The following WWOX variants were observed in gnomAD, a reference collection of about 807,000 sequenced individuals.
The protein encoded by WWOX is WW domain-containing oxidoreductase.
A neutral mutation model predicts 46.2 loss-of-function variants in WWOX; 69 were observed. The observed-to-expected ratio is 1.49, with a 90% CI of 1.23 to 1.82. The LOEUF (loss-of-function observed/expected upper bound fraction) is 1.82. Ranked by LOEUF, WWOX falls within the 40% of genes most tolerant of loss-of-function variation. The pLI, the probability that WWOX is intolerant of heterozygous loss-of-function variation, is 0.00. For missense variants in WWOX, 919 were observed against 542.6 expected (o/e 1.69, Z -6.89); for synonymous variants, 359 against 202.6 (o/e 1.77, Z -6.56).
intron 8 of WWOX, among the ~76,000 whole-genome samples, chr16:78,818,024 A>G (rs1389822207): frequency 1.3e-5 from 2 of 152,180 alleles, no homozygotes; most frequent in Non-Finnish European, 2.9e-5. Flanking sequence ...GCTGACTGAG[A>G]TGGAGTCCAG....
At chr16:78,428,658 C>T (rs2083144267) in intron 7 of WWOX, among the ~76,000 whole-genome samples, 1 of 152,206 alleles carries the variant, frequency 6.6e-6, no homozygotes, top group Non-Finnish European at 1.5e-5. Flanking sequence ...GTTCCCTAGT[C>T]ATGACATACT....
At chr16:79,077,146 T>C (rs58510262) in intron 8 of WWOX, among the ~76,000 whole-genome samples, 17,267 of 152,196 alleles carry the variant, frequency 0.11, 1,956 homozygotes, top group African/African-American at 0.3. Context: ...CCGTGCTTTG[T>C]AGAATTAATC....
chr16:79,093,627 A>G (rs1428475749), intron 8 of WWOX, among the ~76,000 whole-genome samples: 1 of 152,142 alleles, frequency 6.6e-6, no homozygotes, highest in Non-Finnish European at 1.5e-5. Flanking sequence ...GCCCATTGGC[A>G]CCCACAACAA....
At chr16:78,933,988 T>A (rs926433171) in intron 8 of WWOX, among the ~76,000 whole-genome samples, 1 of 151,740 alleles carries the variant, frequency 6.6e-6, no homozygotes, top group Non-Finnish European at 1.5e-5. Flanking sequence ...GGCCAGGAGT[T>A]TGGGGCTAGC....
intron 5 of WWOX, among the ~76,000 whole-genome samples, chr16:78,332,029 G>C (rs1030896333): frequency 1.1e-4 from 16 of 152,148 alleles, no homozygotes; most frequent in African/African-American, 3.9e-4. Flanking sequence ...ACGCCATTTA[G>C]CTGCTCTCAG....
At chr16:78,483,678 TACTC>T (rs778414758) in intron 8 of WWOX, among the ~76,000 whole-genome samples, 4 of 152,188 alleles carry the variant, frequency 2.6e-5, no homozygotes, top group East Asian at 1.9e-4. Context: ...TGCTGTTACT[TACTC>T]AATAATGTGT....
At chr16:78,119,834 C>A (rs774401620) in intron 4 of WWOX, among the ~76,000 whole-genome samples, 5 of 152,128 alleles carry the variant, frequency 3.3e-5, no homozygotes, top group Non-Finnish European at 5.9e-5. Flanking sequence ...GATAAAACTT[C>A]TTAACTTTCA....
At chr16:78,569,893 C>T (rs2044670519) in intron 8 of WWOX, among the ~76,000 whole-genome samples, 2 of 152,194 alleles carry the variant, frequency 1.3e-5, no homozygotes, top group Admixed American at 6.5e-5. Context: ...CTTCCTTGAT[C>T]ATAAATACCC....
At chr16:78,821,590 A>T (rs1214952332) in intron 8 of WWOX, among the ~76,000 whole-genome samples, 1 of 152,150 alleles carries the variant, frequency 6.6e-6, no homozygotes, top group Non-Finnish European at 1.5e-5. Flanking sequence ...GACCTGTGGT[A>T]TTTTTATACC....
intron 8 of WWOX, among the ~76,000 whole-genome samples, chr16:78,674,551 C>A (rs980168582): frequency 1.8e-4 from 27 of 152,178 alleles, no homozygotes; most frequent in African/African-American, 6.5e-4. Flanking sequence ...TCCCAAAGTG[C>A]TGAGATTACA....
intron 8 of WWOX, among the ~76,000 whole-genome samples, chr16:78,951,283 C>A (rs889190202): frequency 6.6e-6 from 1 of 152,150 alleles, no homozygotes; most frequent in African/African-American, 2.4e-5. Context: ...GGCCAGCATG[C>A]GCCCATAGCC....
At chr16:78,733,449 T>C (rs2049011771) in intron 8 of WWOX, among the ~76,000 whole-genome samples, 1 of 149,466 alleles carries the variant, frequency 6.7e-6, no homozygotes, top group African/African-American at 2.5e-5. Context: ...AGTGAGACCT[T>C]GTCTCAAAAA....
At chr16:78,739,674 C>T (rs2049169758) in intron 8 of WWOX, among the ~76,000 whole-genome samples, 2 of 151,982 alleles carry the variant, frequency 1.3e-5, no homozygotes, top group African/African-American at 2.4e-5. Flanking sequence ...AGCTTGGCTT[C>T]CTGGTGCATG....
At chr16:78,334,924 T>TAA (rs538880972) in intron 5 of WWOX, among the ~76,000 whole-genome samples, 37 of 140,532 alleles carry the variant, frequency 2.6e-4, no homozygotes, top group South Asian at 1.6e-3. Context: ...CATCTTTTTT[T>TAA]AAAAAAAAAA....
chr16:78,118,556 TG>T (rs1264199202), intron 4 of WWOX, among the ~76,000 whole-genome samples: 1 of 152,186 alleles, frequency 6.6e-6, no homozygotes, highest in Non-Finnish European at 1.5e-5. Flanking sequence ...ATTCCTATAA[TG>T]TTGAACTACT....
chr16:78,251,961 T>G (rs1407054758), intron 5 of WWOX, among the ~76,000 whole-genome samples: 1 of 152,236 alleles, frequency 6.6e-6, no homozygotes, highest in Non-Finnish European at 1.5e-5. Context: ...TATTTGATTA[T>G]TTTTTCAACA....
At chr16:78,594,429 G>GCCCCC (rs138806967) in intron 8 of WWOX, among the ~76,000 whole-genome samples, 356 of 32,400 alleles carry the variant, frequency 0.011, 16 homozygotes, top group Non-Finnish European at 0.012. Context: ...CTGAGGAAAG[G>GCCCCC]CCCCCCCCCC....
At chr16:78,429,896 A>G (rs778817144) in intron 7 of WWOX, among the ~76,000 whole-genome samples, 2 of 152,202 alleles carry the variant, frequency 1.3e-5, no homozygotes, top group African/African-American at 4.8e-5. Context: ...GTATCCGTGG[A>G]TGAATCACCT....
intron 8 of WWOX, among the ~76,000 whole-genome samples, chr16:78,644,942 T>G (rs1158379214): frequency 6.6e-6 from 1 of 152,224 alleles, no homozygotes; most frequent in East Asian, 1.9e-4. Flanking sequence ...TGTGGAATTC[T>G]TTGAACTCGT....
Sources: allele counts gnomAD v4.1 joint callset (sites outside exome capture counted in the v4.1 genomes callset), GRCh38; gene constraint gnomAD v4.1.1; transcripts MANE v1.5; gene names NCBI Gene and HGNC (gene_info 2026-07-23, HGNC 2026-07-21).